The following SCHIP1 variants were observed in gnomAD, a reference collection of about 807,000 sequenced individuals.
SCHIP1 encodes the protein schwannomin-interacting protein 1.
Under a neutral mutation model 29.7 loss-of-function variants are expected in SCHIP1, and 8 were observed. The observed-to-expected ratio is 0.27, with a 90% CI of 0.16 to 0.49. The LOEUF (loss-of-function observed/expected upper bound fraction) is 0.49, where lower values mean the gene tolerates loss of function less well. SCHIP1 is among the 20% of genes least tolerant of loss of function. The pLI is 0.99. For missense variants in SCHIP1, 193 were observed against 294.6 expected, an observed-to-expected ratio of 0.66 and a Z score of 2.52; for synonymous variants, 76 against 94.9, an observed-to-expected ratio of 0.80 and a Z score of 1.16.
chr3:159,276,449 A>G, the SCHIP1 span, among the ~76,000 whole-genome samples: 1 of 152,178 alleles, frequency 6.6e-6, no homozygotes, highest in African/African-American at 2.4e-5. Flanking sequence ...GAGGTACCCT[A>G]GCATCCCAGA....
chr3:159,473,740 T>C, the SCHIP1 span, among the ~76,000 whole-genome samples: 1 of 137,776 alleles, frequency 7.3e-6, no homozygotes, highest in Non-Finnish European at 1.6e-5. Flanking sequence ...ACATTAGCAA[T>C]CTAAGTTTAT....
At chr3:159,407,177 C>T in the SCHIP1 span, among the ~76,000 whole-genome samples, 1 of 151,868 alleles carries the variant, frequency 6.6e-6, no homozygotes, top group African/African-American at 2.4e-5. Flanking sequence ...TATACATAAA[C>T]CAAAAATAAT....
the SCHIP1 span, among the ~76,000 whole-genome samples, chr3:159,807,609 T>G: frequency 6.6e-6 from 1 of 152,208 alleles, no homozygotes; most frequent in African/African-American, 2.4e-5. Context: ...TATGTGTGTG[T>G]TTGTGTGTGT....
chr3:159,303,561 A>G, the SCHIP1 span, among the ~76,000 whole-genome samples: 1 of 151,642 alleles, frequency 6.6e-6, no homozygotes, highest in South Asian at 2.1e-4. Context: ...GGGAGGGAGA[A>G]GCTTTCCTAG....
chr3:159,869,647 T>C (rs1715028306), intron 2 of SCHIP1, among the ~76,000 whole-genome samples: 1 of 151,890 alleles, frequency 6.6e-6, no homozygotes. Context: ...GGAAAGTCCT[T>C]TTTGTTATTC....
chr3:159,892,513 T>C (rs1035736532), intron 6 of SCHIP1: 4 of 527,554 alleles, frequency 7.6e-6, no homozygotes, highest in Non-Finnish European at 1.3e-5. Flanking sequence ...GCATAAGCCA[T>C]GTCATGCTGG....
the SCHIP1 span, among the ~76,000 whole-genome samples, chr3:159,684,818 G>A: frequency 9.6e-5 from 13 of 135,934 alleles, no homozygotes; most frequent in Admixed American, 1.5e-4. Flanking sequence ...AAAAAAAAAA[G>A]AAAGAAAGAA....
the SCHIP1 span, among the ~76,000 whole-genome samples, chr3:159,521,614 A>G: frequency 4.1e-4 from 62 of 152,334 alleles, no homozygotes; most frequent in African/African-American, 1.5e-3. Context: ...TGAGTTCGAC[A>G]GTTTGAATAC....
At chr3:159,896,027 C>A (rs1171381243) in intron 6 of SCHIP1, among the ~76,000 whole-genome samples, 2 of 152,188 alleles carry the variant, frequency 1.3e-5, no homozygotes, top group Non-Finnish European at 2.9e-5. Flanking sequence ...AGAAGACTCA[C>A]CCTATCCTCA....
chr3:159,588,621 C>A, the SCHIP1 span, among the ~76,000 whole-genome samples: 1 of 152,098 alleles, frequency 6.6e-6, no homozygotes, highest in East Asian at 1.9e-4. Context: ...GTCTTTAATC[C>A]ATCTTGAATT....
chr3:159,835,053 C>T (rs1232682896), upstream of SCHIP1, among the ~76,000 whole-genome samples: 3 of 152,070 alleles, frequency 2.0e-5, no homozygotes, highest in Non-Finnish European at 4.4e-5. Context: ...TCTTTCATTG[C>T]CCAGTAAAGA....
chr3:159,274,752 CTT>C, the SCHIP1 span: 2 of 814,376 alleles, frequency 2.5e-6, no homozygotes, highest in Non-Finnish European at 3.0e-6. Flanking sequence ...TAAAAAGTAA[CTT>C]TAACAAATCA....
At chr3:159,541,389 T>C in the SCHIP1 span, among the ~76,000 whole-genome samples, 4 of 152,168 alleles carry the variant, frequency 2.6e-5, no homozygotes, top group Admixed American at 6.6e-5. Context: ...AGATGTGCAG[T>C]TGGATCTGGG....
At chr3:159,654,504 C>G in the SCHIP1 span, among the ~76,000 whole-genome samples, 2 of 152,070 alleles carry the variant, frequency 1.3e-5, no homozygotes, top group African/African-American at 4.8e-5. Flanking sequence ...CTACAAACCC[C>G]CCACTTATAT....
chr3:159,776,780 C>T, the SCHIP1 span, among the ~76,000 whole-genome samples: 2 of 152,170 alleles, frequency 1.3e-5, no homozygotes, highest in Admixed American at 1.3e-4. Context: ...TATAGAGTTC[C>T]AGTGTGCTGA....
the SCHIP1 span, among the ~76,000 whole-genome samples, chr3:159,642,423 C>T: frequency 2.2e-4 from 34 of 152,126 alleles, no homozygotes; most frequent in Non-Finnish European, 1.8e-4. Flanking sequence ...TCCTTATTCA[C>T]ATGGCATAAC....
the SCHIP1 span, among the ~76,000 whole-genome samples, chr3:159,378,522 C>G: frequency 1.3e-5 from 2 of 152,166 alleles, no homozygotes; most frequent in Non-Finnish European, 2.9e-5. Flanking sequence ...GACAAAAGCT[C>G]TTTAAGGAGG....
the SCHIP1 span, among the ~76,000 whole-genome samples, chr3:159,710,621 A>G: frequency 2.0e-5 from 3 of 152,378 alleles, no homozygotes; most frequent in African/African-American, 7.2e-5. Context: ...CACAAGGTAT[A>G]CATGTACTAA....
chr3:159,697,006 G>A, the SCHIP1 span, among the ~76,000 whole-genome samples: 190 of 152,328 alleles, frequency 1.2e-3, no homozygotes, highest in African/African-American at 4.5e-3. Context: ...TATCCCTAAA[G>A]CAATGGAAAG....
Sources: gnomAD v4.1 joint callset for allele counts (sites outside exome capture counted in the v4.1 genomes callset) on GRCh38, gnomAD v4.1.1 for gene constraint, MANE v1.5 for transcripts, NCBI Gene and HGNC (gene_info 2026-07-23, HGNC 2026-07-21) for gene names.